PIK3C2B: variants seen among roughly 807,000 people sequenced by gnomAD.
PIK3C2B encodes the protein phosphatidylinositol-4-phosphate 3-kinase catalytic subunit type 2 beta.
A neutral mutation model predicts 184.3 loss-of-function variants in PIK3C2B; 83 were observed. The observed-to-expected ratio is 0.45, with a 90% CI of 0.38 to 0.54. The LOEUF (loss-of-function observed/expected upper bound fraction) is 0.54. Among genes scored for constraint, PIK3C2B ranks in the 20% least tolerant of loss-of-function variants. PIK3C2B has a pLI of 0.00. For missense variants in PIK3C2B, 1,736 were observed against 2,113.5 expected (o/e 0.82, Z 3.50); for synonymous variants, 779 against 837.6 (o/e 0.93, Z 1.21).
At chr1:204,448,012 C>A (rs1654024385) in intron 14 of PIK3C2B, among the ~76,000 whole-genome samples, 1 of 152,222 alleles carries the variant, frequency 6.6e-6, no homozygotes, top group Non-Finnish European at 1.5e-5. Flanking sequence ...GGTCCCTACT[C>A]TATGCCACCA....
At chr1:204,445,745 A>G (rs1653800457) in intron 16 of PIK3C2B, among the ~76,000 whole-genome samples, 4 of 152,240 alleles carry the variant, frequency 2.6e-5, no homozygotes, top group South Asian at 4.1e-4. Flanking sequence ...TCACTGTACA[A>G]TTTTCAATTT....
intron 8 of PIK3C2B, among the ~76,000 whole-genome samples, chr1:204,459,546 T>C (rs1655149592): frequency 6.6e-6 from 1 of 152,286 alleles, no homozygotes; most frequent in South Asian, 2.1e-4. Flanking sequence ...ATAGGATGCA[T>C]GCTCCAGTGT....
chr1:204,459,049 C>G (rs1655103171), intron 8 of PIK3C2B, among the ~76,000 whole-genome samples: 2 of 151,256 alleles, frequency 1.3e-5, no homozygotes, highest in Admixed American at 1.3e-4. Flanking sequence ...GGGTCTCACT[C>G]TGTCACGCAG....
At position 204,455,989 on chromosome 1, in the gene PIK3C2B, A is replaced by G. The variant is rs374216849; in HGVS notation, c.1810T>C (p.Phe604Leu). The G allele has an allele frequency of 6.2e-7, 1 of 1,614,044 alleles. No homozygotes were observed. Among genetic ancestry groups the G allele is most frequent in the Non-Finnish European group, 8.5e-7 (1 of 1,180,008 alleles). Residue 604 changes from phenylalanine (F) to leucine (L), a missense_variant, in exon 11 of 33, where the codon TTC becomes CTC. Physicochemically the swap from Phe to Leu is conservative, Grantham distance 22. This residue lies in a region of PIK3C2B where 609 missense variants were observed against 699.2 expected (regional missense o/e 0.87). Transcript: ENST00000684373. ...LDLVELYCNT[F>L]NADFQTAVPG... ...ACTGCCGTCTGGAAGTCTGCGTTGA[A>G]TGTGTTGCAGTACAGCTCCACCAGG...
intron 5 of PIK3C2B, among the ~76,000 whole-genome samples, chr1:204,463,163 G>A (rs185862042): frequency 9.3e-4 from 142 of 152,338 alleles, no homozygotes; most frequent in Non-Finnish European, 1.7e-3. Flanking sequence ...GAATGTAAGA[G>A]AGAGAAAAAG....
chr1:204,429,179 G>A (rs1332920015), intron 29 of PIK3C2B, among the ~76,000 whole-genome samples: 2 of 152,206 alleles, frequency 1.3e-5, no homozygotes, highest in African/African-American at 4.8e-5. Flanking sequence ...AGTGAGCTGT[G>A]ATTGTGCCAC....
At chr1:204,464,251 T>C (rs1655564974) in intron 4 of PIK3C2B, 119 bp from the exon 5 acceptor site, 1 of 1,283,204 alleles carries the variant, frequency 7.8e-7, no homozygotes, top group South Asian at 1.4e-5. Flanking sequence ...ACCAACCAGA[T>C]AAAGCAGGCA....
In PIK3C2B at chr1:204,431,721, G is replaced by C. The variant is rs772870683; in HGVS notation, c.4228C>G (p.Gln1410Glu). ...AGCCGCAACTTATTGTGTAATTCCT[G>C]GAACTCCTCAAAGGTCCGCTGGATG... ...TYIQRTFEEF[Q>E]ELHNKLRLLF... The change falls in exon 28 of 33, where the codon CAG becomes GAG. Residue 1410 changes from glutamine to glutamate, a missense_variant. Physicochemically the swap from Gln to Glu is conservative, Grantham distance 29. Transcript: ENST00000684373. 1.2e-6 allele frequency: 2 copies of C among 1,614,136 alleles called. No homozygotes were observed. Among genetic ancestry groups the C allele is most frequent in the South Asian group, 2.2e-5 (2 of 91,084 alleles).
chr1:204,468,047 C>T (rs1170549777), intron 2 of PIK3C2B, among the ~76,000 whole-genome samples: 4 of 152,132 alleles, frequency 2.6e-5, no homozygotes, highest in African/African-American at 2.4e-5. Context: ...CGCTATTTTA[C>T]ACTATGTACT....
At chr1:204,440,403 C>T in intron 21 of PIK3C2B, 82 bp from the exon 22 acceptor site, 1 of 1,429,792 alleles carries the variant, frequency 7.0e-7, no homozygotes, top group Non-Finnish European at 9.4e-7. Flanking sequence ...AACCTTGGCC[C>T]TAAACTAACA....
At position 204,454,804 on chromosome 1, in the gene PIK3C2B, G is replaced by A. The variant is rs1437611292; in HGVS notation, c.1944-13C>T. On this transcript the variant is annotated splice_polypyrimidine_tract_variant and intron_variant, in intron 11 of 32. Coordinates refer to ENST00000684373, the MANE Select transcript of PIK3C2B (RefSeq NM_001377334.1). ...GAAATCTTCATAGCTATAAAAGAAAGGGAGCAGGTCAGGACACCCAGCTCC... is the reference window on the plus strand; with the variant it reads ...GAAATCTTCATAGCTATAAAAGAAAAGGAGCAGGTCAGGACACCCAGCTCC... 1 of 1,608,116 alleles carries A rather than the reference G, an allele frequency of 6.2e-7. No homozygotes were observed. Among genetic ancestry groups the A allele is most frequent in the Non-Finnish European group, 8.5e-7 (1 of 1,179,582 alleles).
At chr1:204,486,491 G>A (rs1386659895) in intron 1 of PIK3C2B, among the ~76,000 whole-genome samples, 1 of 151,998 alleles carries the variant, frequency 6.6e-6, no homozygotes, top group Non-Finnish European at 1.5e-5. Context: ...AGCATTTTGG[G>A]AGGCTGAGGC....
At chr1:204,450,089 C>CAGGCTG (rs61762615) in intron 12 of PIK3C2B, 72 bp from the exon 13 acceptor site, 33,220 of 1,296,006 alleles carry the variant, frequency 0.026, 820 homozygotes, top group Non-Finnish European at 0.027. Context: ...CCCAGGAAGT[C>CAGGCTG]AGGCTGAGGC....
At chr1:204,477,778 G>C (rs769490803) in intron 1 of PIK3C2B, among the ~76,000 whole-genome samples, 2 of 152,172 alleles carry the variant, frequency 1.3e-5, no homozygotes, top group Non-Finnish European at 2.9e-5. Flanking sequence ...CCACAGATTG[G>C]ATCCCAAAGG....
At chr1:204,464,637 C>A (rs1210174507) in intron 3 of PIK3C2B, 33 bp from the exon 4 acceptor site, 1 of 1,603,782 alleles carries the variant, frequency 6.2e-7, no homozygotes, top group African/African-American at 1.3e-5. Flanking sequence ...CTCACTGTGC[C>A]TTTAGAAGAG....
chr1:204,474,106 C>G (rs952180831), intron 1 of PIK3C2B, among the ~76,000 whole-genome samples: 8 of 151,264 alleles, frequency 5.3e-5, no homozygotes, highest in African/African-American at 1.9e-4. Flanking sequence ...ATTCTCCTGC[C>G]TCAGCCTCCC....
rs1055214097 is a variant in PIK3C2B, at chr1:204,442,607, C to A, written c.3075G>T (p.Glu1025Asp). ...RQGILRTGLE[E>D]VKQFFALNGS... The stretch of plus-strand genomic sequence containing the variant: ...CATTGAGGGCAAAGAACTGCTTCAC[C>A]TCCTCCAGGCCCGTGCGGAGGATTC... Residue 1025 changes from glutamate (E) to aspartate (D), a missense_variant, in exon 20 of 33, where the codon GAG becomes GAT. Coordinates refer to ENST00000684373, the MANE Select transcript of PIK3C2B (RefSeq NM_001377334.1). The A allele has an allele frequency of 6.4e-7, 1 of 1,553,710 alleles. No homozygotes were observed. Among genetic ancestry groups the A allele is most frequent in the South Asian group, 1.2e-5 (1 of 84,176 alleles).
At chr1:204,458,483 A>C (rs1655050197) in intron 8 of PIK3C2B, among the ~76,000 whole-genome samples, 1 of 150,938 alleles carries the variant, frequency 6.6e-6, no homozygotes, top group African/African-American at 2.4e-5. Flanking sequence ...AGCTCCCCAA[A>C]GGCTATGACA....
intron 2 of PIK3C2B, 138 bp downstream of exon 2, chr1:204,468,732 G>T: frequency 1.4e-6 from 1 of 729,564 alleles, no homozygotes; most frequent in South Asian, 2.3e-5. Context: ...CCCCACCAGG[G>T]CCAGGGTCCC....
Sources: gnomAD v4.1 joint callset for allele counts (sites outside exome capture counted in the v4.1 genomes callset) on GRCh38, gnomAD v4.1.1 for gene constraint, gnomAD v4.1.1 regional missense constraint, MANE v1.5 for transcripts, NCBI Gene and HGNC (gene_info 2026-07-23, HGNC 2026-07-21) for gene names.